ALOXE3: variants seen among roughly 807,000 people sequenced by gnomAD.
ALOXE3 encodes hydroperoxide isomerase ALOXE3.
ALOXE3 carries 78 observed loss-of-function variants against 87.5 expected under a neutral mutation model. The ratio of observed to expected loss-of-function variants is 0.89; its 90% CI spans 0.74 to 1.08. ALOXE3 has a LOEUF of 1.08. ALOXE3 is among the 50% of genes least tolerant of loss of function. The pLI, the probability that ALOXE3 is intolerant of heterozygous loss-of-function variation, is 0.00. For missense variants in ALOXE3, 946 were observed against 912.4 expected, an observed-to-expected ratio of 1.04 and a Z score of -0.47; for synonymous variants, 363 against 370.8, an observed-to-expected ratio of 0.98 and a Z score of 0.24.
Position 8,096,605 on chromosome 17 carries a change from C to T in ALOXE3, c.*22G>A, listed in dbSNP as rs775810944. ...CCTCATGCTTGGACCTTTCTTTCTT[C>T]TTGGGTGGTATTTGGGGGTGGTTAG... On this transcript the variant is annotated 3_prime_UTR_variant, in exon 16 of 16. Transcript: ENST00000448843. The T allele has an allele frequency of 9.2e-7, 1 of 1,083,932 alleles. No homozygotes were observed. The highest frequency in any genetic ancestry group is 2.4e-5 in the East Asian group (1 of 42,478). 67.1% of individuals were successfully genotyped at this position (1,083,932 alleles called of 1,614,324 possible). A position where few individuals can be genotyped will look rare whatever the true frequency, so the allele number is the denominator to read the frequency against.
At chr17:8,105,247 T>C (rs748311227) in intron 13 of ALOXE3, among the ~76,000 whole-genome samples, 2 of 152,160 alleles carry the variant, frequency 1.3e-5, no homozygotes, top group Non-Finnish European at 2.9e-5. Context: ...TTCCTGATAG[T>C]TCTCAAATGC....
In ALOXE3 at chr17:8,108,508, G is replaced by A. The variant is rs1567997570; in HGVS notation, c.1644C>T (p.Gly548=). The change falls in exon 13 of 16, where the codon GGC becomes GGT. Residue 548 remains glycine, a synonymous_variant. Coordinates refer to ENST00000448843, the MANE Select transcript of ALOXE3 (RefSeq NM_021628.3). ...CCAGGAACGCCTGAGCAAAAATCTC[G>A]CCAGTCCAGGCCTGCAGCTCCGAAT... ...QQDSELQAWT[G]EIFAQAFLGR... 3 of 1,613,286 alleles carry A rather than the reference G, an allele frequency of 1.9e-6. No individual in the cohort carries two copies. Among genetic ancestry groups the A allele is most frequent in the South Asian group, 1.1e-5 (1 of 91,070 alleles).
At chr17:8,118,689 G>A (rs781672720), upstream of ALOXE3, 5 of 1,537,162 alleles carry the variant, frequency 3.3e-6, no homozygotes, top group Non-Finnish European at 4.4e-6. Flanking sequence ...CCTTTGGCAC[G>A]CCCGACCTCA....
chr17:8,109,160 C>T lies in ALOXE3; in HGVS notation c.1562+14G>A. ...ACCCTGGTGGGACTGCTGGTCCCGC[C>T]CCGCACCTCGCACCTCTCAATGGCC... is the stretch of plus-strand genomic sequence containing the variant. On this transcript the variant is annotated intron_variant, in intron 12 of 15. Transcript: ENST00000448843. 6.2e-7 allele frequency: 1 copy of T among 1,612,360 alleles called. No individual in the cohort carries two copies. Among genetic ancestry groups the T allele is most frequent in the African/African-American group, 1.3e-5 (1 of 75,066 alleles).
rs188823801 is a variant in ALOXE3 at position 8,117,538 on chromosome 17, C to T, written c.147+306G>A. 4.3e-3 allele frequency among the ~76,000 whole-genome samples: 649 copies of T among 152,306 alleles called. 1 individual carries two copies. The highest frequency in any genetic ancestry group is 7.1e-3 in the Non-Finnish European group (481 of 68,032). Reference sequence around the variant, plus strand: ...GCTGGCAGAGGCAGGCAGATCCCCTCGATAAGAGGAAACCCAGGCTCAGAG... The same window carrying T: ...GCTGGCAGAGGCAGGCAGATCCCCTTGATAAGAGGAAACCCAGGCTCAGAG... On this transcript the variant is annotated intron_variant, in intron 2 of 15. Coordinates refer to ENST00000448843, the MANE Select transcript of ALOXE3 (RefSeq NM_021628.3).
In ALOXE3 at chr17:8,109,314, G is replaced by A; in HGVS notation, c.1422C>T (p.Ile474=). Residue 474 remains isoleucine (I), a synonymous_variant, in exon 12 of 16, where the codon ATC becomes ATT. Transcript: ENST00000448843. ...QVTSIGRQGL[I]YLMSTGLAHF... The stretch of plus-strand genomic sequence containing the variant: ...GGGCCAGGCCCGTGCTCATGAGGTA[G>A]ATGAGGCCTTGCCTCCCGATGGACG... 6.2e-7 allele frequency: 1 copy of A among 1,614,072 alleles called. No homozygotes were observed. Among genetic ancestry groups the A allele is most frequent in the African/African-American group, 1.3e-5 (1 of 75,072 alleles).
At chr17:8,103,910 C>T (rs910201102) in intron 14 of ALOXE3, among the ~76,000 whole-genome samples, 1 of 152,158 alleles carries the variant, frequency 6.6e-6, no homozygotes, top group Non-Finnish European at 1.5e-5. Flanking sequence ...TTAACATCAA[C>T]TTGAATCACC....
rs1980095248 is a variant in ALOXE3 at position 8,111,584 on chromosome 17, TAGTCCTGCCA to T, written c.785-63_785-54del. 6 of 1,588,156 alleles carry T rather than the reference TAGTCCTGCCA, an allele frequency of 3.8e-6. No homozygotes were observed. The Admixed American group carries it at 1.0e-4, about 27-fold the overall frequency. ...GTCTAGAAACTACTTCCCTAGATCC[TAGTCCTGCCA>T]AGTCCTTTGCTTATCATTGTGGTTT... On this transcript the variant is annotated intron_variant, in intron 7 of 15. Coordinates refer to ENST00000448843, the MANE Select transcript of ALOXE3 (RefSeq NM_021628.3).
At chr17:8,109,395 T>C (rs766396693) in intron 11 of ALOXE3, 52 bp from the exon 12 acceptor site, 2 of 1,600,972 alleles carry the variant, frequency 1.2e-6, no homozygotes, top group Non-Finnish European at 8.5e-7. Flanking sequence ...CCCACCCTAG[T>C]GTCTGGGCAC....
Position 8,096,381 on chromosome 17 carries a change from A to G in ALOXE3, c.*246T>C. 4.0e-6 allele frequency: 2 copies of G among 499,944 alleles called. No homozygotes were observed. Among genetic ancestry groups the G allele is most frequent in the Non-Finnish European group, 7.1e-6 (2 of 279,754 alleles). 31.0% of individuals were successfully genotyped at this position (499,944 alleles called of 1,614,324 possible). On this transcript the variant is annotated 3_prime_UTR_variant, in exon 16 of 16. Transcript: ENST00000448843. ...AAGTGAAGCGGTTCCTTCCTTTCGG[A>G]GGGGCTATTGTGCATTGGACTTTGG...
At chr17:8,118,840 G>A (rs1980846339), upstream of ALOXE3, 2 of 1,535,412 alleles carry the variant, frequency 1.3e-6, no homozygotes, top group South Asian at 2.4e-5. Context: ...AGGTGTCCGG[G>A]ATCTGGGCCA....
chr17:8,101,929 T>C lies in ALOXE3; in HGVS notation c.1956+1394A>G, dbSNP rs957136127. ...TGCTGGGATTGCAGGCACGAGCCAC[T>C]GTGCCCAGCAACATCTGGAATCTTT... On this transcript the variant is annotated intron_variant, in intron 15 of 15. Transcript: ENST00000448843. Among the ~76,000 whole-genome samples, 27 of 152,156 alleles carry C rather than the reference T, an allele frequency of 1.8e-4. 2 individuals carry two copies. Among genetic ancestry groups the C allele is most frequent in the Non-Finnish European group, 5.9e-5 (4 of 68,022 alleles).
chr17:8,106,817 T>C (rs1437281632), intron 13 of ALOXE3, among the ~76,000 whole-genome samples: 1 of 152,210 alleles, frequency 6.6e-6, no homozygotes. Flanking sequence ...AATAGGTTTG[T>C]ACTCATTGAA....
At chr17:8,107,838 A>G (rs1005375949) in intron 13 of ALOXE3, among the ~76,000 whole-genome samples, 313 of 5,438 alleles carry the variant, frequency 0.058, 25 homozygotes, top group Middle Eastern at 0.2. Flanking sequence ...AGAAAGAAAG[A>G]AAGAAAGAAA....
Position 8,112,208 on chromosome 17 carries a change from G to T in ALOXE3, c.681-12C>A. On this transcript the variant is annotated splice_polypyrimidine_tract_variant and intron_variant, in intron 6 of 15. Transcript: ENST00000448843. The stretch of plus-strand genomic sequence containing the variant: ...TCATTCCCAAGGACCTGATGGGAGA[G>T]GAAAAGATGAGGGTGAGGTCTGGGG... The T allele has an allele frequency of 6.2e-7, 1 of 1,606,634 alleles. No homozygotes were observed. Among genetic ancestry groups the T allele is most frequent in the Non-Finnish European group, 8.5e-7 (1 of 1,173,218 alleles).
In ALOXE3 at chr17:8,110,510, C is replaced by T. The variant is rs775060877; in HGVS notation, c.976G>A (p.Ala326Thr). The change falls in exon 9 of 16, where the codon GCG (alanine) becomes ACG (threonine). Residue 326 changes from alanine (A) to threonine (T), a missense_variant. Ala to Thr is a moderately conservative substitution (Grantham distance 58, BLOSUM62 0). Transcript: ENST00000448843. ...GCCTCCGCCAGGATCCAGTAGTCCG[C>T]TAGGAAGATGTTCCCCCTCTGCAGA... ...TELERGNIFL[A>T]DYWILAEAPT... 1.2e-6 allele frequency: 2 copies of T among 1,613,908 alleles called. No individual in the cohort carries two copies. Among genetic ancestry groups the T allele is most frequent in the East Asian group, 2.2e-5 (1 of 44,884 alleles).
chr17:8,116,553 TGA>T (rs1252012451), intron 3 of ALOXE3, among the ~76,000 whole-genome samples: 4 of 152,184 alleles, frequency 2.6e-5, no homozygotes, highest in African/African-American at 9.7e-5. Context: ...CCTGCCTATA[TGA>T]GTGTATGTGT....
At chr17:8,111,661 A>G in intron 7 of ALOXE3, 130 bp from the exon 8 acceptor site, 1 of 903,876 alleles carries the variant, frequency 1.1e-6, no homozygotes, top group South Asian at 1.4e-5. Flanking sequence ...GAATCATTAT[A>G]TCTTCAATTT....
At chr17:8,097,351 C>T (rs771960022) in intron 15 of ALOXE3, among the ~76,000 whole-genome samples, 2 of 152,102 alleles carry the variant, frequency 1.3e-5, no homozygotes, top group East Asian at 1.9e-4. Flanking sequence ...ACTAAAAGAA[C>T]GAACCACACC....
Sources: allele counts gnomAD v4.1 joint callset (sites outside exome capture counted in the v4.1 genomes callset), GRCh38; gene constraint gnomAD v4.1.1; transcripts MANE v1.5; gene names NCBI Gene and HGNC (gene_info 2026-07-23, HGNC 2026-07-21).